Variants in AKAP6 observed in about 807,000 individuals in gnomAD.
AKAP6 encodes the protein A-kinase anchoring protein 6.
AKAP6 carries 58 observed loss-of-function variants against 188.5 expected under a neutral mutation model. That is an observed-to-expected ratio of 0.31 (90% CI 0.25 to 0.38). AKAP6 has a LOEUF of 0.38. Ranked by LOEUF, AKAP6 falls within the 10% of genes least tolerant of loss-of-function variation. The pLI is 1.00. For synonymous variants in AKAP6, 989 were observed against 998.6 expected, an observed-to-expected ratio of 0.99 and a Z score of 0.18; for missense variants, 2,710 against 2,740.0, an observed-to-expected ratio of 0.99 and a Z score of 0.24.
At chr14:32,358,254 G>A (rs1887546476) in intron 1 of AKAP6, among the ~76,000 whole-genome samples, 1 of 152,136 alleles carries the variant, frequency 6.6e-6, no homozygotes, top group Admixed American at 6.5e-5. Context: ...ACAAATGTTA[G>A]GACTGTGGTA....
At chr14:32,362,210 T>C (rs1489651319) in intron 1 of AKAP6, among the ~76,000 whole-genome samples, 2 of 152,192 alleles carry the variant, frequency 1.3e-5, no homozygotes, top group African/African-American at 4.8e-5. Context: ...GTTCCAGGCA[T>C]GAAGACCCCA....
intron 2 of AKAP6, among the ~76,000 whole-genome samples, chr14:32,447,627 C>T (rs1461075053): frequency 2.0e-5 from 3 of 152,190 alleles, no homozygotes; most frequent in Non-Finnish European, 4.4e-5. Flanking sequence ...CTAGTTAATA[C>T]GACCTAAAGT....
At chr14:32,581,314 T>A (rs1884957789) in intron 5 of AKAP6, among the ~76,000 whole-genome samples, 1 of 152,212 alleles carries the variant, frequency 6.6e-6, no homozygotes, top group Non-Finnish European at 1.5e-5. Flanking sequence ...TTGAGTGAGT[T>A]TCTTAATCCT....
At chr14:32,507,798 A>G (rs1880957001) in intron 2 of AKAP6, among the ~76,000 whole-genome samples, 1 of 152,226 alleles carries the variant, frequency 6.6e-6, no homozygotes, top group Non-Finnish European at 1.5e-5. Context: ...TAGGATGATG[A>G]TGCAAGCAAC....
chr14:32,804,003 G>A (rs1030907768), intron 12 of AKAP6, among the ~76,000 whole-genome samples: 13 of 152,152 alleles, frequency 8.5e-5, no homozygotes, highest in African/African-American at 2.2e-4. Context: ...TAAAGAGCTC[G>A]TAAATCCATC....
rs752964957 is a variant in AKAP6 at position 32,546,322 on chromosome 14, T to C, written c.1669T>C (p.Cys557Arg). 3 of 1,614,090 alleles carry C rather than the reference T, an allele frequency of 1.9e-6. No homozygotes were observed. Among genetic ancestry groups the C allele is most frequent in the African/African-American group, 2.7e-5 (2 of 74,940 alleles). The stretch of plus-strand genomic sequence containing the variant: ...TGCTTCCACATCCTCACTTGAGCCT[T>C]GTAATCAGAGAAGTTGGAATGCCAA... ...NSASTSSLEP[C>R]NQRSWNAKLQ... The change falls in exon 4 of 14, where the codon TGT (cysteine) becomes CGT (arginine). Residue 557 changes from cysteine (C) to arginine (R), a missense_variant. Cys to Arg is a radical substitution (Grantham distance 180, BLOSUM62 -3). This residue lies in a region of AKAP6 where 2,473 missense variants were observed against 2,426.1 expected (regional missense o/e 1.02). Transcript: ENST00000280979.
At chr14:32,377,963 C>T (rs185092453) in intron 1 of AKAP6, among the ~76,000 whole-genome samples, 195 of 152,088 alleles carry the variant, frequency 1.3e-3, no homozygotes, top group South Asian at 6.9e-3. Flanking sequence ...TGCAGAGAGG[C>T]AGTAGACATG....
intron 13 of AKAP6, among the ~76,000 whole-genome samples, 174 bp from the exon 14 acceptor site, chr14:32,829,674 G>A (rs770580007): frequency 6.7e-6 from 1 of 150,312 alleles, no homozygotes. Flanking sequence ...TTTTTTGTCA[G>A]TAATGTGAAG....
chr14:32,813,894 G>A (rs1401887082), intron 12 of AKAP6, among the ~76,000 whole-genome samples: 2 of 133,180 alleles, frequency 1.5e-5, no homozygotes, highest in African/African-American at 3.0e-5. Flanking sequence ...TTTTTTTGCA[G>A]GGGGCGGTTG....
chr14:32,738,683 G>C (rs1009967984), intron 11 of AKAP6, among the ~76,000 whole-genome samples: 2 of 151,960 alleles, frequency 1.3e-5, no homozygotes, highest in Admixed American at 6.6e-5. Context: ...AGAGACAGAG[G>C]GAAAATGATT....
At chr14:32,794,620 A>C (rs1361177016) in intron 12 of AKAP6, among the ~76,000 whole-genome samples, 1 of 152,212 alleles carries the variant, frequency 6.6e-6, no homozygotes, top group African/African-American at 2.4e-5. Flanking sequence ...GTGACAACTT[A>C]CCAGAATCTC....
intron 1 of AKAP6, among the ~76,000 whole-genome samples, chr14:32,352,696 A>G (rs1439270354): frequency 2.0e-5 from 3 of 152,172 alleles, no homozygotes; most frequent in South Asian, 2.1e-4. Context: ...TCACTTAACA[A>G]TGCCCTCCAG....
intron 12 of AKAP6, among the ~76,000 whole-genome samples, chr14:32,783,241 A>T (rs550464168): frequency 6.6e-6 from 1 of 152,186 alleles, no homozygotes; most frequent in African/African-American, 2.4e-5. Context: ...AATGTGCCAT[A>T]TAAAAATTAA....
chr14:32,786,211 C>T (rs1280189024), intron 12 of AKAP6, among the ~76,000 whole-genome samples: 3 of 150,730 alleles, frequency 2.0e-5, no homozygotes, highest in South Asian at 2.1e-4. Flanking sequence ...CTTTCATGTT[C>T]GCTCTGAGGA....
At chr14:32,375,225 G>A (rs529751648) in intron 1 of AKAP6, among the ~76,000 whole-genome samples, 127 of 152,246 alleles carry the variant, frequency 8.3e-4, no homozygotes, top group Non-Finnish European at 1.5e-3. Flanking sequence ...ATGAATTCAA[G>A]GTTTTCTAGC....
rs374512495 is a variant in AKAP6 at position 32,546,750 on chromosome 14, C to T, written c.2097C>T (p.Ser699=). 1.5e-5 allele frequency: 25 copies of T among 1,614,130 alleles called. No homozygotes were observed. The African/African-American group carries it at 2.8e-4, about 18-fold the overall frequency. The change falls in exon 4 of 14, where the codon AGC becomes AGT. Residue 699 remains serine, a synonymous_variant. Coordinates refer to ENST00000280979, the MANE Select transcript of AKAP6 (RefSeq NM_004274.5). ...CAAGGCTAGGCAGGGTGTCTCCAAG[C>T]TCATCTAGTGACATAGCCTCTTCAC... ...KHTRLGRVSP[S]SSSDIASSLG...
rs561874752 is a variant in AKAP6 at position 32,391,617 on chromosome 14, G to A, written c.-34-41843G>A. On this transcript the variant is annotated intron_variant, in intron 1 of 13. Transcript: ENST00000280979. ...TCTCATGGTTAACACCATCTCCCTC[G>A]GTGCTGTTGTGGTGATAGTGAGCTC... 3.3e-3 allele frequency among the ~76,000 whole-genome samples: 509 copies of A among 152,230 alleles called. 3 individuals are homozygous for A. Among genetic ancestry groups the A allele is most frequent in the African/African-American group, 0.01 (425 of 41,528 alleles).
At chr14:32,691,167 C>A (rs985716071) in intron 8 of AKAP6, among the ~76,000 whole-genome samples, 25 of 152,120 alleles carry the variant, frequency 1.6e-4, no homozygotes, top group African/African-American at 5.1e-4. Context: ...CTACTCACCA[C>A]AATTTTAATC....
At chr14:32,733,779 T>C (rs1449258360) in intron 10 of AKAP6, 1 of 152,162 alleles carries the variant, frequency 6.6e-6, no homozygotes. Flanking sequence ...AAACCTGCCG[T>C]ATTCTACAGC....
Sources: gnomAD v4.1 joint callset for allele counts (sites outside exome capture counted in the v4.1 genomes callset) on GRCh38, gnomAD v4.1.1 for gene constraint, gnomAD v4.1.1 regional missense constraint, MANE v1.5 for transcripts, NCBI Gene and HGNC (gene_info 2026-07-23, HGNC 2026-07-21) for gene names.